EEFSEC: variants seen among roughly 807,000 people sequenced by gnomAD.
EEFSEC encodes eukaryotic elongation factor, selenocysteine-tRNA specific.
EEFSEC carries 43 observed loss-of-function variants against 42.1 expected under a neutral mutation model. The ratio of observed to expected loss-of-function variants is 1.02; its 90% CI spans 0.80 to 1.32. The LOEUF is 1.32. Among genes scored for constraint, EEFSEC ranks in the 40% most tolerant of loss-of-function variants. The probability of loss-of-function intolerance (pLI) is 0.00; values close to 1 mark genes in which losing one functional copy is unlikely to be tolerated. For synonymous variants in EEFSEC, 354 were observed against 339.1 expected (o/e 1.04, Z -0.48); for missense variants, 745 against 803.6 (o/e 0.93, Z 0.88).
At chr3:128,374,925 C>T (rs539357641) in intron 6 of EEFSEC, among the ~76,000 whole-genome samples, 2 of 152,362 alleles carry the variant, frequency 1.3e-5, no homozygotes, top group African/African-American at 2.4e-5. Flanking sequence ...AGCTCATGCT[C>T]TTAGCCCTGT....
chr3:128,157,185 C>G (rs1259150248), intron 1 of EEFSEC, among the ~76,000 whole-genome samples: 10 of 152,194 alleles, frequency 6.6e-5, no homozygotes, highest in Non-Finnish European at 1.5e-5. Flanking sequence ...CAGAGCAAGG[C>G]CCTAACTCTT....
intron 6 of EEFSEC, among the ~76,000 whole-genome samples, chr3:128,388,902 C>G (rs1272988252): frequency 2.0e-5 from 3 of 152,230 alleles, no homozygotes; most frequent in African/African-American, 4.8e-5. Flanking sequence ...AGGGCCTCTT[C>G]AGTCCACCTG....
intron 1 of EEFSEC, among the ~76,000 whole-genome samples, chr3:128,183,689 A>G (rs1559858642): frequency 1.3e-5 from 2 of 152,150 alleles, no homozygotes; most frequent in East Asian, 1.9e-4. Context: ...CACCCTACAT[A>G]CTAACTGCCT....
chr3:128,290,809 A>G (rs2066635796), intron 4 of EEFSEC, among the ~76,000 whole-genome samples: 1 of 152,064 alleles, frequency 6.6e-6, no homozygotes, highest in Non-Finnish European at 1.5e-5. Context: ...GCAATGGTGC[A>G]ACCTCGGCTC....
chr3:128,369,020 G>C (rs940841418), intron 6 of EEFSEC, among the ~76,000 whole-genome samples: 2 of 152,240 alleles, frequency 1.3e-5, no homozygotes, highest in African/African-American at 4.8e-5. Flanking sequence ...TGTGGTCTCT[G>C]TGTTGGCACC....
intron 4 of EEFSEC, among the ~76,000 whole-genome samples, chr3:128,330,469 A>G (rs2067114682): frequency 6.6e-6 from 1 of 152,194 alleles, no homozygotes; most frequent in Non-Finnish European, 1.5e-5. Context: ...CACTGGACAG[A>G]TGCTAACAGG....
At chr3:128,259,347 T>C (rs918075274) in intron 2 of EEFSEC, among the ~76,000 whole-genome samples, 6 of 152,254 alleles carry the variant, frequency 3.9e-5, no homozygotes, top group Non-Finnish European at 8.8e-5. Context: ...AGTGGTTCAA[T>C]ATTGTATGGC....
chr3:128,322,497 G>A (rs2067018417), intron 4 of EEFSEC, among the ~76,000 whole-genome samples: 1 of 152,212 alleles, frequency 6.6e-6, no homozygotes, highest in African/African-American at 2.4e-5. Flanking sequence ...GTGGGGTTTC[G>A]AGGCTTTACT....
intron 1 of EEFSEC, among the ~76,000 whole-genome samples, chr3:128,238,744 C>G (rs2066039398): frequency 6.6e-6 from 1 of 152,216 alleles, no homozygotes; most frequent in Non-Finnish European, 1.5e-5. Context: ...CCCACTTCAG[C>G]CTCCCAAAGT....
chr3:128,387,774 C>T (rs768322378), intron 6 of EEFSEC, among the ~76,000 whole-genome samples: 54 of 152,102 alleles, frequency 3.6e-4, no homozygotes, highest in Non-Finnish European at 6.2e-4. Flanking sequence ...TGGAGTCCTG[C>T]GCGCATATGG....
Position 128,317,269 on chromosome 3 carries a change from C to T in EEFSEC, c.787-23964C>T, listed in dbSNP as rs748240910. On this transcript the variant is annotated intron_variant, in intron 4 of 6. Coordinates refer to ENST00000254730, the MANE Select transcript of EEFSEC (RefSeq NM_021937.5). The surrounding 1 kb of genome is among the most constrained non-coding windows in gnomAD (Gnocchi z 4.1). ...CTGTCTGCTGCCAGGCCAGGAGAACCCGTGGGTTTTCTTCCTTCATACACA... is the reference window on the plus strand; with the variant it reads ...CTGTCTGCTGCCAGGCCAGGAGAACTCGTGGGTTTTCTTCCTTCATACACA... 2.6e-5 allele frequency among the ~76,000 whole-genome samples: 4 copies of T among 152,160 alleles called. No homozygotes were observed. The highest frequency in any genetic ancestry group is 5.9e-5 in the Non-Finnish European group (4 of 68,016).
At chr3:128,260,535 A>G (rs1042776948) in intron 2 of EEFSEC, among the ~76,000 whole-genome samples, 1 of 152,216 alleles carries the variant, frequency 6.6e-6, no homozygotes, top group African/African-American at 2.4e-5. Flanking sequence ...AGGCAGGTCA[A>G]ATAAATATAG....
At chr3:128,156,069 G>A (rs11709066) in intron 1 of EEFSEC, among the ~76,000 whole-genome samples, 21,338 of 152,200 alleles carry the variant, frequency 0.14, 1,699 homozygotes, top group African/African-American at 0.21. Flanking sequence ...ATGAGATGGC[G>A]AGTTTTTAGT....
intron 1 of EEFSEC, among the ~76,000 whole-genome samples, chr3:128,239,659 T>A (rs1439725951): frequency 1.3e-5 from 2 of 152,244 alleles, no homozygotes; most frequent in Non-Finnish European, 2.9e-5. Flanking sequence ...CCCTCTGGGC[T>A]GTCTCCTCTA....
At chr3:128,175,309 C>T (rs1185304008) in intron 1 of EEFSEC, among the ~76,000 whole-genome samples, 1 of 152,150 alleles carries the variant, frequency 6.6e-6, no homozygotes, top group African/African-American at 2.4e-5. Flanking sequence ...TTCAGGTTTC[C>T]TGTTGCTTTC....
intron 5 of EEFSEC, among the ~76,000 whole-genome samples, chr3:128,345,154 C>T (rs936453135): frequency 3.3e-5 from 5 of 152,230 alleles, no homozygotes; most frequent in Non-Finnish European, 7.3e-5. Context: ...CACAGTGCTG[C>T]ACCAGGGTTA....
In EEFSEC at chr3:128,325,530, G is replaced by A. The variant is rs560535066; in HGVS notation, c.787-15703G>A. 8.5e-5 allele frequency among the ~76,000 whole-genome samples: 13 copies of A among 152,316 alleles called. No individual in the cohort carries two copies. The East Asian group carries it at 9.6e-4, about 11-fold the overall frequency. On this transcript the variant is annotated intron_variant, in intron 4 of 6. Coordinates refer to ENST00000254730, the MANE Select transcript of EEFSEC (RefSeq NM_021937.5). The stretch of plus-strand genomic sequence containing the variant: ...AGGCTCTCCGGGAAGATGTTTGCAC[G>A]GGGAGGAATTCCTAAGAGTCTTTGC...
At chr3:128,337,889 A>C (rs2067207927) in intron 4 of EEFSEC, among the ~76,000 whole-genome samples, 1 of 152,222 alleles carries the variant, frequency 6.6e-6, no homozygotes, top group African/African-American at 2.4e-5. Context: ...TTCACCCTGC[A>C]ATCCAGCAGT....
At chr3:128,233,181 A>G (rs1238686297) in intron 1 of EEFSEC, among the ~76,000 whole-genome samples, 1 of 152,210 alleles carries the variant, frequency 6.6e-6, no homozygotes, top group Non-Finnish European at 1.5e-5. Context: ...AGTGAGTTCC[A>G]GGCTCAGTGC....
Sources: gnomAD v4.1 joint callset for allele counts (sites outside exome capture counted in the v4.1 genomes callset) on GRCh38, gnomAD v4.1.1 for gene constraint, Gnocchi (gnomAD v3.1) non-coding constraint, MANE v1.5 for transcripts, NCBI Gene and HGNC (gene_info 2026-07-23, HGNC 2026-07-21) for gene names.